The following ENPP6 variants were observed in gnomAD, a reference collection of about 807,000 sequenced individuals.
The protein encoded by ENPP6 is ectonucleotide pyrophosphatase/phosphodiesterase 6.
In ENPP6, 32 loss-of-function variants were observed where a neutral mutation model predicts 42.0. The ratio of observed to expected loss-of-function variants is 0.76; its 90% CI spans 0.58 to 1.02. The LOEUF (loss-of-function observed/expected upper bound fraction) is 1.02, where lower values mean the gene tolerates loss of function less well. Ranked by LOEUF, ENPP6 falls within the 50% of genes least tolerant of loss-of-function variation. ENPP6 has a pLI of 0.00. For synonymous variants in ENPP6, 213 were observed against 216.0 expected, an observed-to-expected ratio of 0.99 and a Z score of 0.12; for missense variants, 552 against 566.8, an observed-to-expected ratio of 0.97 and a Z score of 0.27.
chr4:184,203,473 A>G (rs1179464673), intron 1 of ENPP6, among the ~76,000 whole-genome samples: 2 of 152,188 alleles, frequency 1.3e-5, no homozygotes, highest in Non-Finnish European at 2.9e-5. Flanking sequence ...AGCCCTTTGC[A>G]GACATAGTCA....
intron 1 of ENPP6, among the ~76,000 whole-genome samples, chr4:184,157,135 C>T (rs1047687117): frequency 6.6e-6 from 1 of 152,224 alleles, no homozygotes; most frequent in Non-Finnish European, 1.5e-5. Flanking sequence ...CACCACCCTG[C>T]CTGCCTTCAG....
intron 1 of ENPP6, among the ~76,000 whole-genome samples, chr4:184,155,768 C>CA (rs1364924295): frequency 1.3e-5 from 2 of 151,996 alleles, no homozygotes; most frequent in African/African-American, 4.8e-5. Flanking sequence ...ATGAAGCAAC[C>CA]AAAAAACAGT....
At position 184,112,744 on chromosome 4, in the gene ENPP6, C is replaced by T. The variant is rs749588199; in HGVS notation, c.921G>A (p.Arg307=). The T allele has an allele frequency of 1.9e-6, 3 of 1,614,112 alleles. No homozygotes were observed. The highest frequency in any genetic ancestry group is 1.1e-5 in the South Asian group (1 of 91,072). The change falls in exon 6 of 8, where the codon AGG becomes AGA. Residue 307 remains arginine (R), a synonymous_variant. Transcript: ENST00000296741. Reference sequence around the variant, plus strand: ...CAAACTTTCCTTTCTTGTAATAGAACCTGCTTGGGATGGCTTCTTTCTCGT... The same window carrying T: ...CAAACTTTCCTTTCTTGTAATAGAATCTGCTTGGGATGGCTTCTTTCTCGT... The part of the protein sequence containing the change: ...TVYEKEAIPS[R]FYYKKGKFVS...
At chr4:184,185,437 A>G (rs1465041803) in intron 1 of ENPP6, among the ~76,000 whole-genome samples, 1 of 152,214 alleles carries the variant, frequency 6.6e-6, no homozygotes, top group Non-Finnish European at 1.5e-5. Context: ...GGGACACCCC[A>G]GCCAGCGCTC....
At chr4:184,197,520 C>A (rs1732821473) in intron 1 of ENPP6, among the ~76,000 whole-genome samples, 1 of 152,220 alleles carries the variant, frequency 6.6e-6, no homozygotes, top group Non-Finnish European at 1.5e-5. Context: ...CAGATGCTGG[C>A]CCCGGCTTGG....
intron 2 of ENPP6, among the ~76,000 whole-genome samples, chr4:184,133,592 C>G (rs958676760): frequency 6.6e-6 from 1 of 152,070 alleles, no homozygotes; most frequent in South Asian, 2.1e-4. Context: ...TCTTCCCCTG[C>G]TCCCCCGAAG....
At chr4:184,189,564 C>A (rs1335389525) in intron 1 of ENPP6, among the ~76,000 whole-genome samples, 1 of 152,174 alleles carries the variant, frequency 6.6e-6, no homozygotes, top group Admixed American at 6.5e-5. Context: ...GGGCTCATGA[C>A]CAATGACAGT....
chr4:184,130,280 C>T (rs7682750), intron 2 of ENPP6, among the ~76,000 whole-genome samples: 129 of 151,996 alleles, frequency 8.5e-4, no homozygotes, highest in African/African-American at 2.9e-3. Context: ...GGGTTTTGGC[C>T]GGGCGCGGTG....
chr4:184,189,491 C>CAG (rs1732685284), intron 1 of ENPP6, among the ~76,000 whole-genome samples: 1 of 152,174 alleles, frequency 6.6e-6, no homozygotes, highest in Non-Finnish European at 1.5e-5. Context: ...TAAGCATGGA[C>CAG]AGGCTTCCGG....
chr4:184,170,989 C>T (rs1366526625), intron 1 of ENPP6, among the ~76,000 whole-genome samples: 1 of 152,174 alleles, frequency 6.6e-6, no homozygotes, highest in Non-Finnish European at 1.5e-5. Context: ...GGACTGTATA[C>T]CCCTTACATT....
chr4:184,153,320 C>T (rs1269018477), intron 2 of ENPP6, among the ~76,000 whole-genome samples: 1 of 152,056 alleles, frequency 6.6e-6, no homozygotes, highest in Non-Finnish European at 1.5e-5. Flanking sequence ...GACAGGGTTT[C>T]CCCATGTTGG....
rs1735776538 is a variant in ENPP6, at chr4:184,090,845, TC to T, written c.*331del. ...AGAGAGGGGCCCAGAGCCACGTCTGTCTGCAATAACCACTCCAAGTTTGGTT... is the reference window on the plus strand; with the variant it reads ...AGAGAGGGGCCCAGAGCCACGTCTGTTGCAATAACCACTCCAAGTTTGGTT... On this transcript the variant is annotated 3_prime_UTR_variant, in exon 8 of 8. Transcript: ENST00000296741. 7.1e-6 allele frequency: 3 copies of T among 423,928 alleles called. No individual in the cohort carries two copies. The highest frequency in any genetic ancestry group is 1.2e-5 in the Non-Finnish European group (3 of 241,214). The allele number at this position is 423,928 out of a possible 1,614,324, so 26.3% of individuals were successfully genotyped here. A position where few individuals can be genotyped will look rare whatever the true frequency, so the allele number is the denominator to read the frequency against.
At chr4:184,130,277 G>A (rs1321011920) in intron 2 of ENPP6, among the ~76,000 whole-genome samples, 1 of 151,950 alleles carries the variant, frequency 6.6e-6, no homozygotes, top group East Asian at 1.9e-4. Context: ...CCTGGGTTTT[G>A]GCCGGGCGCG....
Position 184,091,373 on chromosome 4 carries a change from G to T in ENPP6, c.1127C>A (p.Ser376Tyr), listed in dbSNP as rs768400924. The part of the protein sequence containing the change: ...IFLAFGPDFK[S>Y]NFRAAPIRSV... ...CCTGATAGGAGCAGCTCTGAAGTTGGATTTGAAATCTGAAAGGGAAAGGCA... is the reference window on the plus strand; with the variant it reads ...CCTGATAGGAGCAGCTCTGAAGTTGTATTTGAAATCTGAAAGGGAAAGGCA... The change falls in exon 8 of 8, where the codon TCC becomes TAC. Residue 376 changes from serine to tyrosine, a missense_variant. Ser to Tyr is a moderately radical substitution (Grantham distance 144). Coordinates refer to ENST00000296741, the MANE Select transcript of ENPP6 (RefSeq NM_153343.4). 16 of 1,601,326 alleles carry T rather than the reference G, an allele frequency of 1.0e-5. No homozygotes were observed. The highest frequency in any genetic ancestry group is 1.1e-5 in the Non-Finnish European group (13 of 1,173,446).
At chr4:184,190,574 T>A (rs554545614) in intron 1 of ENPP6, among the ~76,000 whole-genome samples, 4 of 152,348 alleles carry the variant, frequency 2.6e-5, no homozygotes, top group Non-Finnish European at 5.9e-5. Flanking sequence ...GAAAGCTGGC[T>A]AACTATTTAG....
At chr4:184,103,227 C>T (rs1312868022) in intron 6 of ENPP6, among the ~76,000 whole-genome samples, 6 of 152,234 alleles carry the variant, frequency 3.9e-5, no homozygotes, top group Admixed American at 3.9e-4. Flanking sequence ...CTGGTTGTTA[C>T]ACATTTTGAC....
intron 1 of ENPP6, among the ~76,000 whole-genome samples, chr4:184,199,538 G>T (rs1163132345): frequency 6.6e-6 from 1 of 152,220 alleles, no homozygotes; most frequent in Non-Finnish European, 1.5e-5. Context: ...TAGACATGCG[G>T]CAGAGCTGAT....
chr4:184,112,712 GGA>G lies in ENPP6; in HGVS notation c.951_952del (p.Pro318PhefsTer6), dbSNP rs1560981439. ...GCCTTCATCAGCCACTAAAGTCAAA[GGA>G]GAGACAAACTTTCCTTTCTTGTAAT... On this transcript the variant is annotated frameshift_variant, in exon 6 of 8. Transcript: ENST00000296741. LOFTEE classifies it high-confidence loss of function. The G allele has an allele frequency of 6.2e-7, 1 of 1,614,076 alleles. No homozygotes were observed. The highest frequency in any genetic ancestry group is 8.5e-7 in the Non-Finnish European group (1 of 1,180,024).
chr4:184,177,367 T>C (rs990797788), intron 1 of ENPP6, among the ~76,000 whole-genome samples: 1 of 152,146 alleles, frequency 6.6e-6, no homozygotes, highest in South Asian at 2.1e-4. Flanking sequence ...CTGATTTCCT[T>C]GGGATGGAGC....
Sources: gnomAD v4.1 joint callset for allele counts (sites outside exome capture counted in the v4.1 genomes callset) on GRCh38, gnomAD v4.1.1 for gene constraint, MANE v1.5 for transcripts, NCBI Gene and HGNC (gene_info 2026-07-23, HGNC 2026-07-21) for gene names.